Variants in S1PR3 observed in about 807,000 individuals in gnomAD.
S1PR3 encodes the protein sphingosine 1-phosphate receptor 3.
A neutral mutation model predicts 13.3 loss-of-function variants in S1PR3; 12 were observed. The ratio of observed to expected loss-of-function variants is 0.90; its 90% confidence interval spans 0.58 to 1.46. S1PR3 has a LOEUF of 1.46. Among genes scored for constraint, S1PR3 ranks in the 40% most tolerant of loss-of-function variants. The pLI, the probability that S1PR3 is intolerant of heterozygous loss-of-function variation, is 0.00. For missense variants in S1PR3, 450 were observed against 501.9 expected (o/e 0.90, Z 0.99); for synonymous variants, 232 against 214.0 (o/e 1.08, Z -0.73).
intron 1 of S1PR3, chr9:88,998,946 G>A (rs1425134705): frequency 6.6e-6 from 1 of 152,492 alleles, no homozygotes; most frequent in African/African-American, 2.4e-5. Flanking sequence ...GTGAGCCACA[G>A]CTCGAGGAGG....
chr9:88,995,554 T>C (rs1053750336), intron 1 of S1PR3: 1 of 166,994 alleles, frequency 6.0e-6, no homozygotes, highest in Non-Finnish European at 1.5e-5. Flanking sequence ...AGGCGTCTTA[T>C]TCCTCCTCGA....
At chr9:88,992,213 C>A (rs1043406726) in intron 1 of S1PR3, 1 of 606,138 alleles carries the variant, frequency 1.6e-6, no homozygotes, top group Non-Finnish European at 2.9e-6. Context: ...ACGTTGTGTT[C>A]GTAACTGAGA....
At position 88,991,958 on chromosome 9, in the gene S1PR3, G is replaced by GTTCCATCAGA; in HGVS notation, c.-148+272_-148+273insATTCCATCAG. The stretch of plus-strand genomic sequence containing the variant: ...AAGTGGAGAGGCTGTTCGTGGAGAA[G>GTTCCATCAGA]TTCCATCAGTCGTTTTCCTTGGACA... On this transcript the variant is annotated intron_variant, in intron 1 of 1. Transcript: ENST00000358157. This position sits in a 1 kb window ranked among gnomAD's most constrained non-coding sequence, Gnocchi z 4.0. 1 of 1,614,254 alleles carries GTTCCATCAGA rather than the reference G, an allele frequency of 6.2e-7. No homozygotes were observed. The highest frequency in any genetic ancestry group is 8.5e-7 in the Non-Finnish European group (1 of 1,180,040).
At position 89,001,790 on chromosome 9, in the gene S1PR3, T is replaced by C. The variant is rs937311956; in HGVS notation, c.590T>C (p.Ile197Thr). ...CTGCCCCTCTACTCCAAGAAGTACA[T>C]TGCCTTCTGCATCAGCATCTTCACG... is the stretch of plus-strand genomic sequence containing the variant. ...TILPLYSKKY[I>T]AFCISIFTAI... The change falls in exon 2 of 2, where the codon ATT (isoleucine) becomes ACT (threonine). Residue 197 changes from isoleucine (I) to threonine (T), a missense_variant. By Grantham distance (89) the Ile-to-Thr change is moderately conservative. Coordinates refer to ENST00000358157, the MANE Select transcript of S1PR3 (RefSeq NM_005226.4). 1.2e-6 allele frequency: 2 copies of C among 1,614,094 alleles called. No homozygotes were observed. The highest frequency in any genetic ancestry group is 1.7e-6 in the Non-Finnish European group (2 of 1,180,048).
chr9:88,992,484 G>A (rs1005015959), intron 1 of S1PR3: 1 of 156,222 alleles, frequency 6.4e-6, no homozygotes, highest in African/African-American at 2.4e-5. Context: ...TTTAAATGGA[G>A]GCCCCCCCAT....
At chr9:88,992,047 G>A in intron 1 of S1PR3, 1 of 1,597,614 alleles carries the variant, frequency 6.3e-7, no homozygotes, top group East Asian at 2.2e-5. Context: ...GAGGGTTGTG[G>A]TCGTTAGCCT....
In S1PR3 at chr9:89,001,309, G is replaced by A. The variant is rs745683421; in HGVS notation, c.109G>A (p.Glu37Lys). ...KLAGRLKEAS[E>K]GSTLTTVLFL... Reference sequence around the variant, plus strand: ...GGCGGGCAGGCTGAAGGAGGCCTCCGAGGGCAGCACGCTCACCACCGTGCT... The same window carrying A: ...GGCGGGCAGGCTGAAGGAGGCCTCCAAGGGCAGCACGCTCACCACCGTGCT... The change falls in exon 2 of 2, where the codon GAG (glutamate) becomes AAG (lysine). Residue 37 changes from glutamate to lysine, a missense_variant. Coordinates refer to ENST00000358157, the MANE Select transcript of S1PR3 (RefSeq NM_005226.4). 26 of 1,614,040 alleles carry A rather than the reference G, an allele frequency of 1.6e-5. No individual in the cohort carries two copies. Among genetic ancestry groups the A allele is most frequent in the Non-Finnish European group, 2.1e-5 (25 of 1,180,052 alleles).
chr9:88,995,565 CA>C (rs925099718), intron 1 of S1PR3: 175 of 159,292 alleles, frequency 1.1e-3, no homozygotes, highest in African/African-American at 4.1e-3. Context: ...TCCTCCTCGA[CA>C]AAAAAAAAAT....
upstream of S1PR3, chr9:88,991,220 C>T (rs376789769): frequency 6.4e-7 from 1 of 1,569,384 alleles, no homozygotes; most frequent in East Asian, 2.4e-5. This position sits in a 1 kb window ranked among gnomAD's most constrained non-coding sequence, Gnocchi z 4.0. Context: ...GGCCGAAGGG[C>T]GAGCCGGACC....
chr9:88,993,653 T>A (rs1192272748), intron 1 of S1PR3: 1 of 152,250 alleles, frequency 6.6e-6, no homozygotes, highest in Non-Finnish European at 1.5e-5. Flanking sequence ...ATGTATAATG[T>A]TTGAGAAAAA....
At chr9:88,991,066 C>G (rs145434754), upstream of S1PR3, 4 of 1,613,530 alleles carry the variant, frequency 2.5e-6, no homozygotes, top group South Asian at 1.1e-5. This position sits in a 1 kb window ranked among gnomAD's most constrained non-coding sequence, Gnocchi z 4.0. Flanking sequence ...AACAAACCCT[C>G]GCTGTCAGGG....
chr9:89,002,116 C>A lies in S1PR3; in HGVS notation c.916C>A (p.Arg306=), dbSNP rs773035093. The A allele has an allele frequency of 6.2e-7, 1 of 1,613,822 alleles. No homozygotes were observed. The highest frequency in any genetic ancestry group is 8.5e-7 in the Non-Finnish European group (1 of 1,180,016). ...CTACACGCTGGCCAGCAAGGAGATG[C>A]GGCGGGCCTTCTTCCGTCTGGTCTG... is the stretch of plus-strand genomic sequence containing the variant. The part of the protein sequence containing the change: ...VIYTLASKEM[R]RAFFRLVCNC... Residue 306 remains arginine (R), a synonymous_variant, in exon 2 of 2, where the codon CGG becomes AGG. Coordinates refer to ENST00000358157, the MANE Select transcript of S1PR3 (RefSeq NM_005226.4).
In S1PR3 at chr9:89,001,401, CAAT is replaced by C. The variant is rs2118603343; in HGVS notation, c.204_206del (p.Asn68del). The C allele has an allele frequency of 6.2e-7, 1 of 1,614,192 alleles. No homozygotes were observed. Among genetic ancestry groups the C allele is most frequent in the Non-Finnish European group, 8.5e-7 (1 of 1,180,034 alleles). On this transcript the variant is annotated inframe_deletion, in exon 2 of 2. Transcript: ENST00000358157. ...TGGTTTTGATTGCCATCTGGAAAAACAATAAATTTCACAACCGCATGTACTTTT... is the reference window on the plus strand; with the variant it reads ...TGGTTTTGATTGCCATCTGGAAAAACAAATTTCACAACCGCATGTACTTTT...
chr9:89,001,482 C>T lies in S1PR3; in HGVS notation c.282C>T (p.Val94=). 1 of 1,614,234 alleles carries T rather than the reference C, an allele frequency of 6.2e-7. No individual in the cohort carries two copies. Among genetic ancestry groups the T allele is most frequent in the Non-Finnish European group, 8.5e-7 (1 of 1,180,034 alleles). ...TGCTGGCCGGCATCGCTTACAAGGT[C>T]AACATTCTGATGTCTGGCAAGAAGA... ...CDLLAGIAYK[V]NILMSGKKTF... The change falls in exon 2 of 2, where the codon GTC becomes GTT. Residue 94 remains valine, a synonymous_variant. Transcript: ENST00000358157.
Position 89,001,734 on chromosome 9 carries a change from C to T in S1PR3, c.534C>T (p.Cys178=), listed in dbSNP as rs1825870122. 1.2e-6 allele frequency: 2 copies of T among 1,614,250 alleles called. No individual in the cohort carries two copies. The highest frequency in any genetic ancestry group is 1.3e-5 in the African/African-American group (1 of 75,072). The change falls in exon 2 of 2, where the codon TGC becomes TGT. Residue 178 remains cysteine (C), a synonymous_variant. Coordinates refer to ENST00000358157, the MANE Select transcript of S1PR3 (RefSeq NM_005226.4). ...CCCTGCCCATTCTGGGCTGGAACTG[C>T]CTGCACAATCTCCCTGACTGCTCTA... ...LGALPILGWN[C]LHNLPDCSTI...
At chr9:88,993,254 C>G (rs530353127) in intron 1 of S1PR3, 2 of 152,758 alleles carry the variant, frequency 1.3e-5, no homozygotes, top group South Asian at 4.1e-4. Flanking sequence ...AACTTGATTT[C>G]ATGGTATCTC....
Position 88,991,750 on chromosome 9 carries a change from AG to A in S1PR3, c.-148+57del, listed in dbSNP as rs1825713737. The A allele has an allele frequency of 3.0e-5, 46 of 1,551,394 alleles. No individual in the cohort carries two copies. The highest frequency in any genetic ancestry group is 3.9e-5 in the Non-Finnish European group (45 of 1,147,012). The stretch of plus-strand genomic sequence containing the variant: ...ACCAGGGTGGGGGGCTGGGGGCCGA[AG>A]GACCCACCTTTCCAACAAAATCCCC... On this transcript the variant is annotated intron_variant, in intron 1 of 1. Coordinates refer to ENST00000358157, the MANE Select transcript of S1PR3 (RefSeq NM_005226.4). This position sits in a 1 kb window ranked among gnomAD's most constrained non-coding sequence, Gnocchi z 4.0.
Position 89,004,586 on chromosome 9 carries a change from G to C in S1PR3, c.*2249G>C, listed in dbSNP as rs925475339. ...TCATAACACTTTGCTCCATAACCCT[G>C]ATGTCCGCAGTATCTAAGTATCTCA... On this transcript the variant is annotated 3_prime_UTR_variant, in exon 2 of 2. Coordinates refer to ENST00000358157, the MANE Select transcript of S1PR3 (RefSeq NM_005226.4). The C allele has an allele frequency of 6.0e-6, 1 of 167,014 alleles. No homozygotes were observed. Among genetic ancestry groups the C allele is most frequent in the African/African-American group, 2.4e-5 (1 of 41,404 alleles). 10.3% of individuals were successfully genotyped at this position (167,014 alleles called of 1,614,324 possible).
chr9:88,996,238 C>T (rs900675926), intron 1 of S1PR3: 1 of 152,174 alleles, frequency 6.6e-6, no homozygotes, highest in Admixed American at 6.5e-5. Context: ...CCCAGTGCCT[C>T]CGAGTCATGG....
Sources: gnomAD v4.1 joint callset for allele counts on GRCh38, gnomAD v4.1.1 for gene constraint, Gnocchi (gnomAD v3.1) non-coding constraint, MANE v1.5 for transcripts, NCBI Gene and HGNC (gene_info 2026-07-23, HGNC 2026-07-21) for gene names.